Variants in ANK2 observed in about 807,000 individuals in gnomAD.
The protein encoded by ANK2 is ankyrin-2.
In ANK2, 83 loss-of-function variants were observed where a neutral mutation model predicts 360.5. That is an observed-to-expected ratio of 0.23 (90% CI 0.19 to 0.28). The LOEUF (loss-of-function observed/expected upper bound fraction) is 0.28, where lower values mean the gene tolerates loss of function less well. ANK2 is among the 10% of genes least tolerant of loss of function. The pLI is 1.00. For synonymous variants in ANK2, 1,740 were observed against 1,759.5 expected (o/e 0.99, Z 0.28); for missense variants, 4,201 against 4,795.7 (o/e 0.88, Z 3.66).
At chr4:113,200,698 T>G (rs1055342143) in intron 4 of ANK2, among the ~76,000 whole-genome samples, 1 of 152,202 alleles carries the variant, frequency 6.6e-6, no homozygotes, top group Non-Finnish European at 1.5e-5. Context: ...ATGGTGTATA[T>G]GTACCACATT....
In ANK2 at chr4:113,111,884, G is replaced by A. The variant is rs116295723; in HGVS notation, c.84+62072G>A. 2.7e-3 allele frequency among the ~76,000 whole-genome samples: 410 copies of A among 152,302 alleles called. 4 individuals are homozygous for A. The highest frequency in any genetic ancestry group is 8.1e-3 in the African/African-American group (337 of 41,576). On this transcript the variant is annotated intron_variant, in intron 1 of 45. Coordinates refer to ENST00000357077, the MANE Select transcript of ANK2 (RefSeq NM_001148.6). ...CTGTAGATTATACAAAGTGACTGAG[G>A]TGTTCCAGGAAGGCTGAAAAGAAAC...
intron 1 of ANK2, among the ~76,000 whole-genome samples, chr4:113,088,714 C>T (rs1170104120): frequency 1.3e-5 from 2 of 152,016 alleles, no homozygotes; most frequent in African/African-American, 4.8e-5. Flanking sequence ...TGTAGATGGG[C>T]CTTTATATAT....
the ANK2 span, among the ~76,000 whole-genome samples, chr4:112,803,996 T>C: frequency 0.6 from 91,436 of 151,194 alleles, 29,015 homozygotes; most frequent in East Asian, 0.93. Flanking sequence ...TAATCATTGA[T>C]GTATGACCAA....
intron 2 of ANK2, among the ~76,000 whole-genome samples, chr4:112,908,074 A>T (rs2085858107): frequency 1.3e-5 from 2 of 152,196 alleles, no homozygotes; most frequent in African/African-American, 4.8e-5. Context: ...TAAAGATGGG[A>T]TAGAAGTTTT....
chr4:113,249,149 T>C (rs2044654291), intron 9 of ANK2, among the ~76,000 whole-genome samples: 1 of 152,258 alleles, frequency 6.6e-6, no homozygotes, highest in Non-Finnish European at 1.5e-5. Flanking sequence ...AGTTCATCTT[T>C]GGGAAGCAAT....
Position 113,264,974 on chromosome 4 carries a change from C to A in ANK2, c.1464C>A (p.Ala488=). Reference sequence around the variant, plus strand: ...TCCGATGCCTCCTGAGAAATGGTGCCCTTGTTGATGCCAGAGCCAGGGTAG... The same window carrying A: ...TCCGATGCCTCCTGAGAAATGGTGCACTTGTTGATGCCAGAGCCAGGGTAG... ...EVVRCLLRNG[A]LVDARAREEQ... The change falls in exon 14 of 46, where the codon GCC becomes GCA. Residue 488 remains alanine, a synonymous_variant. Transcript: ENST00000357077. 6.4e-7 allele frequency: 1 copy of A among 1,564,298 alleles called. No homozygotes were observed. Among genetic ancestry groups the A allele is most frequent in the Non-Finnish European group, 8.7e-7 (1 of 1,153,272 alleles).
At chr4:113,359,810 T>C (rs928409002) in intron 38 of ANK2, among the ~76,000 whole-genome samples, 3 of 152,218 alleles carry the variant, frequency 2.0e-5, no homozygotes, top group Non-Finnish European at 4.4e-5. Context: ...GGATCTGTTT[T>C]TGATTCAGAA....
intron 2 of ANK2, among the ~76,000 whole-genome samples, chr4:113,028,499 A>G (rs1007364825): frequency 3.9e-5 from 6 of 152,162 alleles, no homozygotes; most frequent in African/African-American, 1.4e-4. Flanking sequence ...GCAGTCAGGA[A>G]GCTGATACAC....
intron 1 of ANK2, among the ~76,000 whole-genome samples, chr4:112,858,517 C>T (rs1182288982): frequency 6.6e-6 from 1 of 152,142 alleles, no homozygotes; most frequent in Non-Finnish European, 1.5e-5. Context: ...AAAGTTGTGT[C>T]TAATCTATTA....
At chr4:113,209,307 A>C (rs529673858) in intron 4 of ANK2, among the ~76,000 whole-genome samples, 1 of 151,892 alleles carries the variant, frequency 6.6e-6, no homozygotes, top group Non-Finnish European at 1.5e-5. Context: ...AGACCTTTGA[A>C]GATGTCAGAC....
chr4:113,138,697 CAG>C (rs1431784349), intron 1 of ANK2, among the ~76,000 whole-genome samples: 1 of 152,124 alleles, frequency 6.6e-6, no homozygotes, highest in Non-Finnish European at 1.5e-5. Flanking sequence ...TAGGATTACA[CAG>C]AACTGAGCTC....
intron 1 of ANK2, among the ~76,000 whole-genome samples, chr4:113,054,438 A>G (rs369699169): frequency 6.6e-6 from 1 of 152,180 alleles, no homozygotes; most frequent in African/African-American, 2.4e-5. Flanking sequence ...AGAAATGTGA[A>G]TGAGGTACAT....
intron 1 of ANK2, among the ~76,000 whole-genome samples, chr4:113,167,222 T>A (rs943210147): frequency 2.0e-5 from 3 of 152,180 alleles, no homozygotes; most frequent in Non-Finnish European, 2.9e-5. Flanking sequence ...ATAACTTATT[T>A]TTCAGGACTA....
intron 1 of ANK2, among the ~76,000 whole-genome samples, chr4:112,898,329 C>T (rs964079071): frequency 3.9e-5 from 6 of 152,140 alleles, no homozygotes; most frequent in African/African-American, 1.2e-4. Context: ...TCTTATTAGT[C>T]TCCTCTTGGC....
At position 113,383,421 on chromosome 4, in the gene ANK2, C is replaced by A. The variant is rs569519804; in HGVS notation, c.*1950C>A. 2.2e-4 allele frequency: 34 copies of A among 152,682 alleles called. No individual in the cohort carries two copies. Among genetic ancestry groups the A allele is most frequent in the Non-Finnish European group, 2.1e-4 (14 of 68,018 alleles). The allele number at this position is 152,682 out of a possible 1,614,324, so 9.5% of individuals were successfully genotyped here. On this transcript the variant is annotated 3_prime_UTR_variant, in exon 46 of 46. Coordinates refer to ENST00000357077, the MANE Select transcript of ANK2 (RefSeq NM_001148.6). ...ACACCCTATGGCCTTCTTGTCAAAA[C>A]CTTCACTGGAGCTCAAGAAAAGCAT... is the stretch of plus-strand genomic sequence containing the variant.
chr4:112,810,332 ATAC>A, the ANK2 span, among the ~76,000 whole-genome samples: 8 of 151,728 alleles, frequency 5.3e-5, no homozygotes, highest in South Asian at 1.5e-3. Flanking sequence ...ACTGAGCACA[ATAC>A]TTTTATCATG....
chr4:113,194,567 A>G (rs1002786533), intron 2 of ANK2, among the ~76,000 whole-genome samples: 3 of 152,180 alleles, frequency 2.0e-5, no homozygotes, highest in Admixed American at 1.3e-4. Context: ...TTTGTTTTTT[A>G]GGATTGATTA....
chr4:112,805,866 C>T, the ANK2 span, among the ~76,000 whole-genome samples: 7 of 152,154 alleles, frequency 4.6e-5, no homozygotes, highest in African/African-American at 1.4e-4. Flanking sequence ...TGAGCCACTG[C>T]GCCCGGCCAC....
chr4:113,096,713 A>G (rs618464), intron 1 of ANK2, among the ~76,000 whole-genome samples: 76,104 of 151,870 alleles, frequency 0.5, 20,530 homozygotes, highest in African/African-American at 0.7. Context: ...TATTATTATT[A>G]TTGTTGTTAT....
Sources: gnomAD v4.1 joint callset for allele counts (sites outside exome capture counted in the v4.1 genomes callset) on GRCh38, gnomAD v4.1.1 for gene constraint, MANE v1.5 for transcripts, NCBI Gene and HGNC (gene_info 2026-07-23, HGNC 2026-07-21) for gene names.